FYN: variants seen among roughly 807,000 people sequenced by gnomAD.
FYN encodes the protein tyrosine-protein kinase Fyn.
In FYN, 10 loss-of-function variants were observed where a neutral mutation model predicts 70.2. That is an observed-to-expected ratio of 0.14 (90% CI 0.09 to 0.24). The LOEUF (loss-of-function observed/expected upper bound fraction) is 0.24, where lower values mean the gene tolerates loss of function less well. Among genes scored for constraint, FYN ranks in the 10% least tolerant of loss-of-function variants. FYN has a pLI of 1.00. For synonymous variants in FYN, 236 were observed against 248.6 expected (o/e 0.95, Z 0.48); for missense variants, 319 against 673.1 (o/e 0.47, Z 5.82).
At chr6:111,730,327 G>A (rs1421973435) in intron 3 of FYN, among the ~76,000 whole-genome samples, 1 of 152,208 alleles carries the variant, frequency 6.6e-6, no homozygotes, top group African/African-American at 2.4e-5. Context: ...AAGCAGGGTG[G>A]CTGGATTAGT....
chr6:111,776,634 C>T lies in FYN; in HGVS notation c.-12+3932G>A, dbSNP rs535858088. 2.6e-5 allele frequency among the ~76,000 whole-genome samples: 4 copies of T among 152,218 alleles called. No homozygotes were observed. In the South Asian group the frequency reaches 6.2e-4, roughly 24 times the overall value. On this transcript the variant is annotated intron_variant, in intron 3 of 13. Coordinates refer to ENST00000354650, the MANE Select transcript of FYN (RefSeq NM_002037.5). The stretch of plus-strand genomic sequence containing the variant: ...GCTTTTGGTAAGAAAATATTTATGT[C>T]CACAAGCACACACCACACCCTTTCT...
intron 3 of FYN, among the ~76,000 whole-genome samples, chr6:111,745,466 C>T (rs890893743): frequency 6.6e-6 from 1 of 152,162 alleles, no homozygotes; most frequent in Admixed American, 6.5e-5. Context: ...GGGCAGGGTG[C>T]TTTGCAGGCT....
chr6:111,807,624 T>C (rs987834266), intron 2 of FYN, among the ~76,000 whole-genome samples: 2 of 152,152 alleles, frequency 1.3e-5, no homozygotes, highest in African/African-American at 2.4e-5. Flanking sequence ...TTGGGTGCTA[T>C]GTTATCAGGT....
intron 3 of FYN, among the ~76,000 whole-genome samples, chr6:111,752,531 A>C (rs899455590): frequency 2.6e-5 from 4 of 152,236 alleles, no homozygotes; most frequent in African/African-American, 9.6e-5. Context: ...CTAAATCTAG[A>C]GCAGGGTTGA....
At chr6:111,847,387 C>T (rs1773562638) in intron 1 of FYN, among the ~76,000 whole-genome samples, 1 of 152,216 alleles carries the variant, frequency 6.6e-6, no homozygotes, top group Non-Finnish European at 1.5e-5. Flanking sequence ...TATGGTACTT[C>T]ATTTATTATC....
intron 1 of FYN, among the ~76,000 whole-genome samples, chr6:111,859,371 G>A (rs985115297): frequency 1.3e-5 from 2 of 152,100 alleles, no homozygotes; most frequent in Non-Finnish European, 1.5e-5. Context: ...ATAAACATAC[G>A]TGCAAATTCC....
At chr6:111,798,277 C>T (rs1337079598) in intron 2 of FYN, 1 of 152,114 alleles carries the variant, frequency 6.6e-6, no homozygotes, top group African/African-American at 2.4e-5. Flanking sequence ...CCACCAGAGG[C>T]CTCAACCACA....
chr6:111,701,512 G>A (rs1167816366), intron 8 of FYN, among the ~76,000 whole-genome samples: 3 of 152,128 alleles, frequency 2.0e-5, no homozygotes, highest in Admixed American at 2.0e-4. Context: ...GAGAGAAAGA[G>A]GGAAGAGGGA....
At chr6:111,791,973 T>C (rs1457208615) in intron 2 of FYN, among the ~76,000 whole-genome samples, 1 of 152,162 alleles carries the variant, frequency 6.6e-6, no homozygotes, top group Non-Finnish European at 1.5e-5. Context: ...TACCTTGTAA[T>C]AGGTAAAGAT....
At chr6:111,750,514 A>G (rs934048357) in intron 3 of FYN, among the ~76,000 whole-genome samples, 2 of 152,184 alleles carry the variant, frequency 1.3e-5, no homozygotes, top group African/African-American at 4.8e-5. Context: ...ACTCAGTCTC[A>G]GGTATTTCTT....
chr6:111,871,543 G>A (rs1474687008), intron 1 of FYN, among the ~76,000 whole-genome samples: 1 of 152,152 alleles, frequency 6.6e-6, no homozygotes, highest in African/African-American at 2.4e-5. Context: ...CAATAAAAGG[G>A]TAAAACAACA....
intron 3 of FYN, among the ~76,000 whole-genome samples, chr6:111,746,671 A>G (rs1240628534): frequency 6.6e-6 from 1 of 152,228 alleles, no homozygotes; most frequent in Admixed American, 6.5e-5. Flanking sequence ...CAAAAAAGAA[A>G]AGGCATGGGT....
chr6:111,691,777 CTATCTT>C (rs987298024), intron 12 of FYN, among the ~76,000 whole-genome samples: 4 of 152,222 alleles, frequency 2.6e-5, no homozygotes, highest in Admixed American at 2.6e-4. Flanking sequence ...CTAATCCTCT[CTATCTT>C]TATTTTCTGT....
chr6:111,754,823 A>G (rs973109320), intron 3 of FYN: 3 of 152,168 alleles, frequency 2.0e-5, no homozygotes, highest in Non-Finnish European at 2.9e-5. Context: ...GTGTGTGTGT[A>G]TAATCTGACA....
chr6:111,854,161 T>C (rs760317765), intron 1 of FYN, among the ~76,000 whole-genome samples: 3 of 152,190 alleles, frequency 2.0e-5, no homozygotes, highest in Non-Finnish European at 4.4e-5. Context: ...AACCTCCAGT[T>C]TGCACTTGCA....
intron 2 of FYN, among the ~76,000 whole-genome samples, chr6:111,813,650 T>C (rs1772395857): frequency 6.6e-6 from 1 of 152,164 alleles, no homozygotes; most frequent in South Asian, 2.1e-4. Flanking sequence ...ATCAGCTACT[T>C]TACCTCTCTA....
At chr6:111,871,169 A>G (rs1221568267) in intron 1 of FYN, among the ~76,000 whole-genome samples, 2 of 152,268 alleles carry the variant, frequency 1.3e-5, no homozygotes, top group African/African-American at 2.4e-5. Flanking sequence ...ACTGGCTTAC[A>G]AAACGGAACA....
At chr6:111,850,332 A>T (rs111749610) in intron 1 of FYN, among the ~76,000 whole-genome samples, 204 of 152,354 alleles carry the variant, frequency 1.3e-3, no homozygotes, top group African/African-American at 4.5e-3. Context: ...CTTGCAAAAG[A>T]TTTAAAATAT....
chr6:111,846,748 C>T (rs562482657), intron 1 of FYN, 119 bp from the exon 2 acceptor site: 3 of 396,890 alleles, frequency 7.6e-6, no homozygotes, highest in Non-Finnish European at 1.3e-5. Flanking sequence ...TCAATTTGCC[C>T]ACAAATTTTT....
Sources: allele counts gnomAD v4.1 joint callset (sites outside exome capture counted in the v4.1 genomes callset), GRCh38; gene constraint gnomAD v4.1.1; transcripts MANE v1.5; gene names NCBI Gene and HGNC (gene_info 2026-07-23, HGNC 2026-07-21).